The following PPP4R4 variants were observed in gnomAD, a reference collection of about 807,000 sequenced individuals.
PPP4R4 encodes the protein serine/threonine-protein phosphatase 4 regulatory subunit 4.
A neutral mutation model predicts 121.8 loss-of-function variants in PPP4R4; 70 were observed. The observed-to-expected ratio is 0.57, with a 90% CI of 0.47 to 0.70. The LOEUF (loss-of-function observed/expected upper bound fraction) is 0.70, where lower values mean the gene tolerates loss of function less well. Ranked by LOEUF, PPP4R4 falls within the 30% of genes least tolerant of loss-of-function variation. The pLI, the probability that PPP4R4 is intolerant of heterozygous loss-of-function variation, is 0.00. For missense variants in PPP4R4, 875 were observed against 1,033.6 expected (o/e 0.85, Z 2.10); for synonymous variants, 348 against 355.7 (o/e 0.98, Z 0.24).
intron 3 of PPP4R4, among the ~76,000 whole-genome samples, chr14:94,226,098 C>T (rs146967087): frequency 9.2e-5 from 14 of 152,232 alleles, no homozygotes; most frequent in African/African-American, 3.4e-4. Flanking sequence ...CATTTTAAGC[C>T]TAAATTATGA....
At chr14:94,180,864 C>G (rs1365829390) in intron 2 of PPP4R4, among the ~76,000 whole-genome samples, 1 of 151,968 alleles carries the variant, frequency 6.6e-6, no homozygotes, top group Non-Finnish European at 1.5e-5. Flanking sequence ...TAAGTGCTCC[C>G]CCTAGTGATA....
rs749490429 is a variant in PPP4R4, at chr14:94,234,639, G to A, written c.701G>A (p.Arg234Gln). ...VEYEVRSCMCRQLENIAQGIG... is the reference protein window; with the variant it reads ...VEYEVRSCMCQQLENIAQGIG... ...TATGAAGTTCGATCTTGTATGTGTC[G>A]GCAATTAGAAAATATAGCCCAGGGC... The change falls in exon 7 of 25, where the codon CGG becomes CAG. Residue 234 changes from arginine to glutamine, a missense_variant. By Grantham distance (43) the Arg-to-Gln change is conservative (BLOSUM62 1). Transcript: ENST00000304338. The A allele has an allele frequency of 4.2e-5, 67 of 1,603,206 alleles. No homozygotes were observed. In the East Asian group the frequency reaches 7.6e-4, roughly 18 times the overall value.
At chr14:94,249,546 T>C (rs1369471383) in intron 14 of PPP4R4, among the ~76,000 whole-genome samples, 4 of 152,100 alleles carry the variant, frequency 2.6e-5, no homozygotes, top group Non-Finnish European at 4.4e-5. Context: ...TTCTCTAATA[T>C]ATGGTTTGAA....
In PPP4R4 at chr14:94,246,480, T is replaced by A; in HGVS notation, c.1552T>A (p.Ser518Thr). 2 of 1,614,094 alleles carry A rather than the reference T, an allele frequency of 1.2e-6. No individual in the cohort carries two copies. Residue 518 changes from serine (S) to threonine (T), a missense_variant, in exon 14 of 25, where the codon TCA (serine) becomes ACA (threonine). By Grantham distance (58) the Ser-to-Thr change is moderately conservative. Transcript: ENST00000304338. ...ATATGCCTGCCTGCCACATGTCATA[T>A]CAAGCGATCAGATTTATTACCGTTT... ...QKYACLPHVI[S>T]SDQIYYRFLQ...
chr14:94,278,519 A>G, intron 24 of PPP4R4, 100 bp from the exon 25 acceptor site: 1 of 646,806 alleles, frequency 1.5e-6, no homozygotes, highest in Admixed American at 2.8e-5. Flanking sequence ...CTTTGTACAC[A>G]TTATATGAAT....
At chr14:94,194,463 G>A (rs1170738733) in intron 2 of PPP4R4, among the ~76,000 whole-genome samples, 1 of 152,116 alleles carries the variant, frequency 6.6e-6, no homozygotes, top group Admixed American at 6.6e-5. Flanking sequence ...GGGAAGCTGG[G>A]AAGCTTACTT....
At chr14:94,259,175 A>G (rs1566697388) in intron 18 of PPP4R4, 120 bp from the exon 19 acceptor site, 2 of 1,464,332 alleles carry the variant, frequency 1.4e-6, no homozygotes, top group Non-Finnish European at 1.8e-6. Flanking sequence ...GGGGAGCTAC[A>G]AGATGAAATT....
intron 2 of PPP4R4, among the ~76,000 whole-genome samples, chr14:94,183,887 TATAAA>T (rs1273391805): frequency 1.3e-5 from 2 of 151,784 alleles, no homozygotes; most frequent in Non-Finnish European, 2.9e-5. Context: ...AAAATTAATC[TATAAA>T]ATAAGATAAT....
At chr14:94,219,271 T>C (rs1260165277) in intron 3 of PPP4R4, among the ~76,000 whole-genome samples, 3 of 152,060 alleles carry the variant, frequency 2.0e-5, no homozygotes, top group East Asian at 1.9e-4. Context: ...AGACAGGGTT[T>C]CACCATGTTG....
chr14:94,266,104 A>G (rs866238456), intron 22 of PPP4R4, among the ~76,000 whole-genome samples: 1 of 152,182 alleles, frequency 6.6e-6, no homozygotes, highest in South Asian at 2.1e-4. Context: ...TCTAGGAAGA[A>G]TACTGACATG....
At chr14:94,243,588 T>A (rs1892740097) in intron 11 of PPP4R4, among the ~76,000 whole-genome samples, 2 of 152,190 alleles carry the variant, frequency 1.3e-5, no homozygotes, top group South Asian at 4.1e-4. Flanking sequence ...AGACATAACA[T>A]AGCACCATAT....
At chr14:94,269,094 C>A (rs1182671279) in intron 23 of PPP4R4, among the ~76,000 whole-genome samples, 2 of 152,012 alleles carry the variant, frequency 1.3e-5, no homozygotes, top group African/African-American at 2.4e-5. Context: ...CTATGTAATA[C>A]ATCTATAAAG....
Position 94,257,497 on chromosome 14 carries a change from C to T in PPP4R4, c.2010+893C>T, listed in dbSNP as rs370670978. Among the ~76,000 whole-genome samples the T allele has an allele frequency of 3.4e-4, 51 of 151,964 alleles. 1 individual carries two copies. In the South Asian group the frequency reaches 9.4e-3, roughly 28 times the overall value. On this transcript the variant is annotated intron_variant, in intron 17 of 24. Coordinates refer to ENST00000304338, the MANE Select transcript of PPP4R4 (RefSeq NM_058237.2). ...TTCTCTTTTTTTCTAGAAATCATTG[C>T]CAGATGTCACATGAAGAATCTTTTA...
chr14:94,197,742 C>T (rs141768977), intron 2 of PPP4R4, among the ~76,000 whole-genome samples: 1 of 152,240 alleles, frequency 6.6e-6, no homozygotes, highest in Non-Finnish European at 1.5e-5. Context: ...CATTCCCAGG[C>T]AAAAACTGCT....
chr14:94,252,925 G>C (rs1196308444), intron 16 of PPP4R4, among the ~76,000 whole-genome samples: 1 of 152,190 alleles, frequency 6.6e-6, no homozygotes, highest in African/African-American at 2.4e-5. Flanking sequence ...AGCTAACTGA[G>C]ATTAATAGTC....
In PPP4R4 at chr14:94,202,826, A is replaced by G. The variant is rs376977116; in HGVS notation, c.192-5638A>G. 2.4e-4 allele frequency among the ~76,000 whole-genome samples: 36 copies of G among 151,804 alleles called. No homozygotes were observed. In the East Asian group the frequency reaches 2.7e-3, roughly 11 times the overall value. ...ACCCTGTCTCTACTAAAAAATAAAA[A>G]CAAAATATTGGCCGGGCGTGGTGGC... On this transcript the variant is annotated intron_variant, in intron 2 of 24. Transcript: ENST00000304338.
chr14:94,189,959 TTTAGGTTAGTTAA>T (rs1281447192), intron 2 of PPP4R4, among the ~76,000 whole-genome samples: 1 of 152,172 alleles, frequency 6.6e-6, no homozygotes, highest in Admixed American at 6.5e-5. Flanking sequence ...ACTTTACCTA[TTTAGGTTAGTTAA>T]TTGGGTCTCT....
At chr14:94,184,836 TC>T (rs1889180286) in intron 2 of PPP4R4, among the ~76,000 whole-genome samples, 1 of 152,158 alleles carries the variant, frequency 6.6e-6, no homozygotes, top group East Asian at 1.9e-4. Flanking sequence ...TAATTTTCCC[TC>T]CAATCAGAAA....
At chr14:94,274,226 T>C (rs1050697819) in intron 23 of PPP4R4, among the ~76,000 whole-genome samples, 3 of 152,052 alleles carry the variant, frequency 2.0e-5, no homozygotes, top group Non-Finnish European at 4.4e-5. Flanking sequence ...CAGAAGAAAG[T>C]CTTTGTGATT....
Sources: allele counts gnomAD v4.1 joint callset (sites outside exome capture counted in the v4.1 genomes callset), GRCh38; gene constraint gnomAD v4.1.1; transcripts MANE v1.5; gene names NCBI Gene and HGNC (gene_info 2026-07-23, HGNC 2026-07-21).